The following NAV3 variants were observed in gnomAD, a reference collection of about 807,000 sequenced individuals.
NAV3 encodes the protein pore membrane and/or filament interacting like protein 1.
NAV3 carries 87 observed loss-of-function variants against 244.7 expected under a neutral mutation model. That is an observed-to-expected ratio of 0.36 (90% CI 0.30 to 0.42). The LOEUF (loss-of-function observed/expected upper bound fraction) is 0.42. NAV3 is among the 20% of genes least tolerant of loss of function. NAV3 has a pLI of 1.00. For missense variants in NAV3, 2,663 were observed against 2,893.3 expected (o/e 0.92, Z 1.83); for synonymous variants, 1,126 against 1,042.2 (o/e 1.08, Z -1.55).
intron 31 of NAV3, among the ~76,000 whole-genome samples, chr12:78,186,148 C>T (rs991653131): frequency 6.6e-6 from 1 of 151,684 alleles, no homozygotes; most frequent in African/African-American, 2.4e-5. Context: ...AGGACAAATT[C>T]CATTGATGTT....
rs977535712 is a variant in NAV3 at position 77,923,345 on chromosome 12, G to A, written c.244-16974G>A. Reference sequence around the variant, plus strand: ...GTTTTTAAATATATTTTAAGCTATCGAATTTAATTTCACACACACATATCA... The same window carrying A: ...GTTTTTAAATATATTTTAAGCTATCAAATTTAATTTCACACACACATATCA... On this transcript the variant is annotated intron_variant, in intron 1 of 39. Transcript: ENST00000397909. Among the ~76,000 whole-genome samples, 9 of 152,064 alleles carry A rather than the reference G, an allele frequency of 5.9e-5. No individual in the cohort carries two copies. In the East Asian group the frequency reaches 7.7e-4, roughly 13 times the overall value.
intron 2 of NAV3, among the ~76,000 whole-genome samples, chr12:77,582,825 C>T (rs1478588116): frequency 6.6e-6 from 1 of 152,096 alleles, no homozygotes; most frequent in Non-Finnish European, 1.5e-5. Context: ...GAATGGGAAC[C>T]GGGGCCTGTC....
At chr12:78,127,950 T>G (rs996161974) in intron 17 of NAV3, among the ~76,000 whole-genome samples, 2 of 152,160 alleles carry the variant, frequency 1.3e-5, no homozygotes, top group Non-Finnish European at 2.9e-5. Context: ...GAGGAAGAGA[T>G]AGAATGATCT....
intron 9 of NAV3, among the ~76,000 whole-genome samples, chr12:78,031,936 C>T (rs1007105904): frequency 1.3e-5 from 2 of 151,806 alleles, no homozygotes; most frequent in African/African-American, 4.8e-5. Context: ...TTTTCCACTA[C>T]ACCTAAAACT....
intron 2 of NAV3, among the ~76,000 whole-genome samples, chr12:77,698,814 A>G (rs1875429559): frequency 6.6e-6 from 1 of 152,154 alleles, no homozygotes; most frequent in African/African-American, 2.4e-5. Flanking sequence ...TGGAATTTAC[A>G]TATGCTAGTA....
intron 2 of NAV3, among the ~76,000 whole-genome samples, chr12:77,749,796 A>C (rs77594700): frequency 0.028 from 4,333 of 152,280 alleles, 84 homozygotes; most frequent in Non-Finnish European, 0.044. Flanking sequence ...GCCATATTTT[A>C]AGAGAGTGCT....
intron 9 of NAV3, among the ~76,000 whole-genome samples, chr12:78,024,254 T>A (rs1877628368): frequency 6.6e-6 from 1 of 152,186 alleles, no homozygotes; most frequent in African/African-American, 2.4e-5. Flanking sequence ...TTTGATGAAA[T>A]CATGACCTGG....
chr12:78,001,998 C>T (rs968890460), intron 7 of NAV3, among the ~76,000 whole-genome samples: 6 of 152,170 alleles, frequency 3.9e-5, no homozygotes, highest in East Asian at 3.9e-4. Context: ...ATATATGTTC[C>T]GAAGTAAACC....
intron 1 of NAV3, among the ~76,000 whole-genome samples, chr12:77,899,737 A>G (rs1013366321): frequency 3.3e-5 from 5 of 152,226 alleles, no homozygotes; most frequent in East Asian, 1.9e-4. Flanking sequence ...CATATTTTAC[A>G]TGTCCGGAAT....
rs566493397 is a variant in NAV3, at chr12:78,043,404, G to A, written c.2024-6589G>A. Among the ~76,000 whole-genome samples the A allele has an allele frequency of 2.0e-5, 3 of 152,244 alleles. No individual in the cohort carries two copies. The South Asian group carries it at 6.2e-4, about 32-fold the overall frequency. ...CTGCAATAAACATACGTGTGCATGT[G>A]TCTTTATAATAGAATGATTTATAAT... On this transcript the variant is annotated intron_variant, in intron 9 of 39. Coordinates refer to ENST00000397909, the MANE Select transcript of NAV3 (RefSeq NM_001024383.2).
chr12:77,879,897 G>C (rs1231916436), intron 1 of NAV3, among the ~76,000 whole-genome samples: 1 of 152,098 alleles, frequency 6.6e-6, no homozygotes, highest in East Asian at 1.9e-4. Flanking sequence ...AAGTCCTAGA[G>C]ATGTGCGTTC....
intron 2 of NAV3, among the ~76,000 whole-genome samples, chr12:77,641,459 GA>G (rs1395366005): frequency 2.0e-5 from 3 of 151,898 alleles, no homozygotes; most frequent in Non-Finnish European, 4.4e-5. Context: ...GTAAAACAAT[GA>G]AAGATATACA....
chr12:77,837,890 C>T (rs1321743711), intron 1 of NAV3, among the ~76,000 whole-genome samples: 1 of 152,182 alleles, frequency 6.6e-6, no homozygotes, highest in East Asian at 1.9e-4. Flanking sequence ...AAAGGAACCC[C>T]ATGTTAGAAA....
intron 1 of NAV3, among the ~76,000 whole-genome samples, chr12:77,938,894 G>A (rs1211408496): frequency 6.6e-6 from 1 of 150,640 alleles, no homozygotes; most frequent in Middle Eastern, 3.4e-3. Context: ...AAAATAATAT[G>A]TAAAATTTGA....
At chr12:77,713,411 C>T (rs1876215488) in intron 2 of NAV3, among the ~76,000 whole-genome samples, 1 of 152,062 alleles carries the variant, frequency 6.6e-6, no homozygotes, top group Non-Finnish European at 1.5e-5. Flanking sequence ...ACTGTGTATT[C>T]AGTTTTATAT....
intron 2 of NAV3, among the ~76,000 whole-genome samples, chr12:77,648,499 A>G (rs1468355525): frequency 6.6e-6 from 1 of 152,116 alleles, no homozygotes; most frequent in Non-Finnish European, 1.5e-5. Context: ...TGGTTATTAA[A>G]TGGTACTAGT....
chr12:77,728,269 A>C (rs992098885), intron 2 of NAV3, among the ~76,000 whole-genome samples: 2 of 151,940 alleles, frequency 1.3e-5, no homozygotes, highest in South Asian at 4.1e-4. Flanking sequence ...GGTTACGATG[A>C]TTTGTGGTCA....
chr12:78,088,710 G>A (rs914904664), intron 12 of NAV3: 22 of 152,166 alleles, frequency 1.4e-4, no homozygotes, highest in African/African-American at 5.1e-4. Flanking sequence ...CCTATCTTAG[G>A]CAGCAAATAC....
intron 9 of NAV3, among the ~76,000 whole-genome samples, chr12:78,027,462 G>A (rs941328641): frequency 2.6e-5 from 4 of 151,154 alleles, no homozygotes; most frequent in Non-Finnish European, 5.9e-5. Flanking sequence ...AAGGGTGGGG[G>A]GCCGGGGGAG....
Sources: gnomAD v4.1 joint callset for allele counts (sites outside exome capture counted in the v4.1 genomes callset) on GRCh38, gnomAD v4.1.1 for gene constraint, MANE v1.5 for transcripts, NCBI Gene and HGNC (gene_info 2026-07-23, HGNC 2026-07-21) for gene names.